EPHA5: variants seen among roughly 807,000 people sequenced by gnomAD.
EPHA5 encodes the protein ephrin type-A receptor 5.
A neutral mutation model predicts 105.0 loss-of-function variants in EPHA5; 60 were observed. The observed-to-expected ratio is 0.57, with a 90% CI of 0.46 to 0.71. The LOEUF is 0.71. Among genes scored for constraint, EPHA5 ranks in the 30% least tolerant of loss-of-function variants. EPHA5 has a pLI of 0.00. For missense variants in EPHA5, 1,218 were observed against 1,274.7 expected (o/e 0.96, Z 0.68); for synonymous variants, 513 against 449.1 (o/e 1.14, Z -1.80).
rs78953182 is a variant in EPHA5 at position 65,321,581 on chromosome 4, C to T, written c.*2533G>A. The T allele has an allele frequency of 2.2e-3, 514 of 229,152 alleles. 15 individuals are homozygous for T. The East Asian group carries it at 0.032, about 14-fold the overall frequency. The allele number at this position is 229,152 out of a possible 1,614,324, so 14.2% of individuals were successfully genotyped here. A position where few individuals can be genotyped will look rare whatever the true frequency, so the allele number is the denominator to read the frequency against. On this transcript the variant is annotated 3_prime_UTR_variant, in exon 17 of 17. Transcript: ENST00000613740. Reference sequence around the variant, plus strand: ...AGAAATTCTCAACCAAATTGAGATGCAAAAGAAAACTATGTGGCTATTTAA... The same window carrying T: ...AGAAATTCTCAACCAAATTGAGATGTAAAAGAAAACTATGTGGCTATTTAA...
intron 3 of EPHA5, among the ~76,000 whole-genome samples, chr4:65,598,474 T>C (rs367730138): frequency 3.9e-5 from 6 of 152,336 alleles, no homozygotes; most frequent in African/African-American, 1.2e-4. Context: ...CTTGTGCTTT[T>C]TGACTTCTTT....
At chr4:65,452,359 A>G (rs953085381) in intron 5 of EPHA5, among the ~76,000 whole-genome samples, 1 of 152,146 alleles carries the variant, frequency 6.6e-6, no homozygotes, top group Non-Finnish European at 1.5e-5. Flanking sequence ...AAATAGATTA[A>G]CACACCTATT....
intron 3 of EPHA5, among the ~76,000 whole-genome samples, chr4:65,544,322 A>T (rs1737156348): frequency 6.6e-6 from 1 of 152,086 alleles, no homozygotes; most frequent in Admixed American, 6.6e-5. Context: ...TTTGCAATCC[A>T]CACATCTGAC....
intron 3 of EPHA5, among the ~76,000 whole-genome samples, chr4:65,537,979 A>C (rs1163753499): frequency 6.6e-6 from 1 of 151,832 alleles, no homozygotes; most frequent in Non-Finnish European, 1.5e-5. Context: ...GGGGTGGCTT[A>C]TTAAAATACT....
At chr4:65,435,036 A>G (rs1560533461) in intron 5 of EPHA5, among the ~76,000 whole-genome samples, 1 of 152,132 alleles carries the variant, frequency 6.6e-6, no homozygotes, top group Non-Finnish European at 1.5e-5. Flanking sequence ...TGTGCAAATT[A>G]TGGTACACAT....
chr4:65,634,355 A>T (rs1032939220), intron 2 of EPHA5, among the ~76,000 whole-genome samples: 1 of 152,094 alleles, frequency 6.6e-6, no homozygotes, highest in African/African-American at 2.4e-5. Context: ...ATATGCTATG[A>T]CTATTATCAA....
chr4:65,611,745 A>C (rs1462000808), intron 2 of EPHA5, among the ~76,000 whole-genome samples: 1 of 151,862 alleles, frequency 6.6e-6, no homozygotes, highest in African/African-American at 2.4e-5. Context: ...ATGTTCTTGT[A>C]ATCAGTGGCT....
intron 3 of EPHA5, among the ~76,000 whole-genome samples, chr4:65,522,117 A>G (rs1476578004): frequency 2.0e-5 from 3 of 151,920 alleles, no homozygotes; most frequent in Non-Finnish European, 2.9e-5. Context: ...ATATGCCAGA[A>G]GTGTTGGAAA....
intron 1 of EPHA5, among the ~76,000 whole-genome samples, chr4:65,664,675 CA>C (rs1016334644): frequency 6.6e-6 from 1 of 151,854 alleles, no homozygotes; most frequent in Non-Finnish European, 1.5e-5. Context: ...TGTATTTACT[CA>C]GAAGGGCACA....
intron 3 of EPHA5, among the ~76,000 whole-genome samples, chr4:65,575,055 G>A (rs80119247): frequency 1.3e-3 from 190 of 151,944 alleles, no homozygotes; most frequent in African/African-American, 4.4e-3. Context: ...GGAAAAGAAT[G>A]CTGCTAGGTA....
intron 11 of EPHA5, among the ~76,000 whole-genome samples, chr4:65,357,069 C>T (rs559445510): frequency 6.6e-6 from 1 of 151,440 alleles, no homozygotes; most frequent in East Asian, 1.9e-4. Context: ...TTACTGAAGG[C>T]CCAGCCCAGG....
At chr4:65,638,181 A>G (rs1370333101) in intron 2 of EPHA5, among the ~76,000 whole-genome samples, 2 of 152,114 alleles carry the variant, frequency 1.3e-5, no homozygotes, top group Non-Finnish European at 2.9e-5. Flanking sequence ...TTGCTTTTTT[A>G]TTATTTATAA....
At chr4:65,366,894 G>T (rs1371981959) in intron 9 of EPHA5, among the ~76,000 whole-genome samples, 2 of 151,394 alleles carry the variant, frequency 1.3e-5, no homozygotes. Context: ...TTAAAGCAAG[G>T]TCTTTTTAAG....
intron 5 of EPHA5, among the ~76,000 whole-genome samples, chr4:65,469,667 T>C (rs1391535394): frequency 6.6e-6 from 1 of 152,196 alleles, no homozygotes; most frequent in African/African-American, 2.4e-5. Context: ...TCTCTGTTTC[T>C]AATTTAACAC....
chr4:65,571,190 A>G (rs969298086), intron 3 of EPHA5, among the ~76,000 whole-genome samples: 162 of 152,098 alleles, frequency 1.1e-3, no homozygotes, highest in African/African-American at 3.7e-3. Context: ...GATTTATGGA[A>G]GTAATGGAAT....
chr4:65,494,812 C>T (rs1481040329), intron 4 of EPHA5, among the ~76,000 whole-genome samples: 4 of 152,142 alleles, frequency 2.6e-5, no homozygotes, highest in African/African-American at 7.2e-5. Context: ...TTGTTTGCCA[C>T]TCCCAGTTCT....
At chr4:65,370,655 A>G (rs1453585203) in intron 8 of EPHA5, among the ~76,000 whole-genome samples, 1 of 152,158 alleles carries the variant, frequency 6.6e-6, no homozygotes, top group Non-Finnish European at 1.5e-5. Flanking sequence ...CCTGGTATGA[A>G]AATGAAAACA....
At chr4:65,363,062 G>C (rs1191955032) in intron 11 of EPHA5, among the ~76,000 whole-genome samples, 1 of 151,604 alleles carries the variant, frequency 6.6e-6, no homozygotes, top group Non-Finnish European at 1.5e-5. Context: ...TAAGGTTTCA[G>C]TGAAGTTGAA....
chr4:65,656,045 C>A (rs2149537757), intron 1 of EPHA5, among the ~76,000 whole-genome samples: 1 of 150,720 alleles, frequency 6.6e-6, no homozygotes, highest in Admixed American at 6.7e-5. Context: ...AAGAAAACAG[C>A]CAGGAAGCCC....
Sources: allele counts gnomAD v4.1 joint callset (sites outside exome capture counted in the v4.1 genomes callset), GRCh38; gene constraint gnomAD v4.1.1; transcripts MANE v1.5; gene names NCBI Gene and HGNC (gene_info 2026-07-23, HGNC 2026-07-21).